KLHL5: variants seen among roughly 807,000 people sequenced by gnomAD.
KLHL5 encodes the protein kelch-like protein 5.
KLHL5 carries 48 observed loss-of-function variants against 77.7 expected under a neutral mutation model. The observed-to-expected ratio is 0.62, with a 90% CI of 0.49 to 0.79. The LOEUF (loss-of-function observed/expected upper bound fraction) is 0.79, where lower values mean the gene tolerates loss of function less well. Ranked by LOEUF, KLHL5 falls within the 30% of genes least tolerant of loss-of-function variation. The pLI is 0.00. For synonymous variants in KLHL5, 260 were observed against 297.0 expected (o/e 0.88, Z 1.28); for missense variants, 723 against 859.7 (o/e 0.84, Z 1.99).
chr4:39,103,598 G>C (rs1260835934), intron 7 of KLHL5, 87 bp downstream of exon 7: 52 of 1,012,108 alleles, frequency 5.1e-5, no homozygotes. Flanking sequence ...GACCCGTGTG[G>C]CAGCCACTGC....
At chr4:39,093,125 G>C (rs1282472337) in intron 5 of KLHL5, 1 of 455,950 alleles carries the variant, frequency 2.2e-6, no homozygotes, top group East Asian at 7.0e-5. Flanking sequence ...CTGGTGAATG[G>C]ATAGATAAAA....
In KLHL5 at chr4:39,071,346, A is replaced by G. The variant is rs573987473; in HGVS notation, c.384-4619A>G. Among the ~76,000 whole-genome samples the G allele has an allele frequency of 2.6e-5, 4 of 151,858 alleles. No homozygotes were observed. In the South Asian group the frequency reaches 6.2e-4, roughly 24 times the overall value. On this transcript the variant is annotated intron_variant, in intron 1 of 10. Transcript: ENST00000504108. ...GCCAGACTATTTAGAGTTTCGGAAG[A>G]GCTTTTTTTCCTACTCATAGACAGT... is the stretch of plus-strand genomic sequence containing the variant.
intron 8 of KLHL5, among the ~76,000 whole-genome samples, chr4:39,112,308 TAATG>T (rs1415681007): frequency 6.6e-6 from 1 of 152,250 alleles, no homozygotes; most frequent in African/African-American, 2.4e-5. Context: ...TAATTTAAAT[TAATG>T]AAGGATCATT....
intron 8 of KLHL5, among the ~76,000 whole-genome samples, chr4:39,110,910 A>G (rs994667504): frequency 2.0e-5 from 3 of 152,192 alleles, no homozygotes; most frequent in South Asian, 2.1e-4. Flanking sequence ...GTGAAGAGAG[A>G]TGAGTTCTGA....
intron 1 of KLHL5, among the ~76,000 whole-genome samples, chr4:39,067,599 ATTC>A (rs1271401990): frequency 1.3e-5 from 2 of 151,896 alleles, no homozygotes; most frequent in African/African-American, 4.8e-5. Flanking sequence ...TCTTCAGTTA[ATTC>A]TCTTCTCTTA....
chr4:39,091,230 C>A (rs1720520288), intron 5 of KLHL5, among the ~76,000 whole-genome samples: 1 of 151,762 alleles, frequency 6.6e-6, no homozygotes, highest in Non-Finnish European at 1.5e-5. Context: ...CTCAAGAGAT[C>A]CACCCACTTC....
chr4:39,081,048 A>G lies in KLHL5; in HGVS notation c.567-55A>G. ...AAAAAAGAAGCAGCAGCATTTATTA[A>G]TGAACATCAACTCGAATGTGGTCAT... On this transcript the variant is annotated intron_variant, in intron 2 of 10. Coordinates refer to ENST00000504108, the MANE Select transcript of KLHL5 (RefSeq NM_015990.5). The surrounding 1 kb of genome is among the most constrained non-coding windows in gnomAD (Gnocchi z 4.3). 1 of 1,530,058 alleles carries G rather than the reference A, an allele frequency of 6.5e-7. No individual in the cohort carries two copies. The highest frequency in any genetic ancestry group is 1.3e-5 in the South Asian group (1 of 79,950). 94.8% of individuals were successfully genotyped at this position (1,530,058 alleles called of 1,614,324 possible). A position where few individuals can be genotyped will look rare whatever the true frequency, so the allele number is the denominator to read the frequency against.
chr4:39,132,427 G>A, the KLHL5 span, among the ~76,000 whole-genome samples: 1 of 152,018 alleles, frequency 6.6e-6, no homozygotes, highest in African/African-American at 2.4e-5. Flanking sequence ...TGGGCAAAAT[G>A]GCAAAACTCT....
chr4:39,056,783 C>T (rs1257117409), intron 1 of KLHL5, among the ~76,000 whole-genome samples: 1 of 152,206 alleles, frequency 6.6e-6, no homozygotes, highest in Non-Finnish European at 1.5e-5. Context: ...TACCTCCTTA[C>T]TTATGTTAAT....
At chr4:39,097,218 G>A (rs1008472231) in intron 6 of KLHL5, among the ~76,000 whole-genome samples, 8 of 152,146 alleles carry the variant, frequency 5.3e-5, no homozygotes, top group Non-Finnish European at 1.0e-4. Context: ...AAGGGAGAAA[G>A]GAAAGCTCTT....
downstream of KLHL5, among the ~76,000 whole-genome samples, chr4:39,127,773 T>C (rs1263310248): frequency 6.6e-6 from 1 of 152,014 alleles, no homozygotes; most frequent in Non-Finnish European, 1.5e-5. Context: ...CTGGCGCAAA[T>C]TTTGTGGAAG....
chr4:39,127,436 T>C (rs1272356044), downstream of KLHL5, among the ~76,000 whole-genome samples: 5 of 151,932 alleles, frequency 3.3e-5, no homozygotes, highest in African/African-American at 1.2e-4. Flanking sequence ...TTGGGGGTTT[T>C]TTGTTTGTTT....
chr4:39,114,036 T>C (rs1230623990), intron 9 of KLHL5, among the ~76,000 whole-genome samples: 2 of 152,100 alleles, frequency 1.3e-5, no homozygotes, highest in Admixed American at 6.6e-5. Context: ...TTTGATGTAT[T>C]TAAGTTGTAA....
At chr4:39,109,375 A>C (rs1722284163) in intron 8 of KLHL5, among the ~76,000 whole-genome samples, 1 of 152,104 alleles carries the variant, frequency 6.6e-6, no homozygotes, top group South Asian at 2.1e-4. Flanking sequence ...GGCACACTGC[A>C]GCCTCCTCTG....
chr4:39,101,895 C>CACACAT (rs1329962181), intron 6 of KLHL5, among the ~76,000 whole-genome samples: 4 of 142,882 alleles, frequency 2.8e-5, no homozygotes, highest in African/African-American at 1.0e-4. Flanking sequence ...CACACACACA[C>CACACAT]ATATACACAC....
At chr4:39,094,730 T>A (rs1479606600) in intron 5 of KLHL5, among the ~76,000 whole-genome samples, 1 of 152,026 alleles carries the variant, frequency 6.6e-6, no homozygotes, top group East Asian at 1.9e-4. Flanking sequence ...GAATGTAGTA[T>A]GGCCAAGATT....
chr4:39,080,501 A>G (rs1719511226), intron 2 of KLHL5, among the ~76,000 whole-genome samples: 1 of 151,772 alleles, frequency 6.6e-6, no homozygotes, highest in African/African-American at 2.4e-5. Flanking sequence ...ACGCCAGCCT[A>G]GGAAACAGAA....
rs1553892884 is a variant in KLHL5, at chr4:39,101,126, T to TATACATATATATATCTATATA, written c.1301-2161_1301-2160insATACATATATATATCTATATA. The stretch of plus-strand genomic sequence containing the variant: ...TTTGTTAATTTTGGATATTTGGATT[T>TATACATATATATATCTATATA]TATATATATATATATATATATCTAC... On this transcript the variant is annotated intron_variant, in intron 6 of 10. Coordinates refer to ENST00000504108, the MANE Select transcript of KLHL5 (RefSeq NM_015990.5). Among the ~76,000 whole-genome samples, 75 of 134,846 alleles carry TATACATATATATATCTATATA rather than the reference T, an allele frequency of 5.6e-4. 1 individual carries two copies. The highest frequency in any genetic ancestry group is 2.1e-3 in the African/African-American group (74 of 35,912). The allele number at this position is 134,846 out of a possible 152,430, so 88.5% of individuals were successfully genotyped here. A position where few individuals can be genotyped will look rare whatever the true frequency, so the allele number is the denominator to read the frequency against.
chr4:39,057,747 A>G (rs1717102854), upstream of KLHL5, among the ~76,000 whole-genome samples: 2 of 152,210 alleles, frequency 1.3e-5, no homozygotes, highest in African/African-American at 4.8e-5. Flanking sequence ...AATGCAGTGC[A>G]TATCACACAC....
Sources: gnomAD v4.1 joint callset for allele counts (sites outside exome capture counted in the v4.1 genomes callset) on GRCh38, gnomAD v4.1.1 for gene constraint, Gnocchi (gnomAD v3.1) non-coding constraint, MANE v1.5 for transcripts, NCBI Gene and HGNC (gene_info 2026-07-23, HGNC 2026-07-21) for gene names.